GRM1: variants seen among roughly 807,000 people sequenced by gnomAD.
GRM1 encodes the protein metabotropic glutamate receptor 1.
A neutral mutation model predicts 90.9 loss-of-function variants in GRM1; 33 were observed. That is an observed-to-expected ratio of 0.36 (90% CI 0.28 to 0.49). GRM1 has a LOEUF of 0.49. Among genes scored for constraint, GRM1 ranks in the 20% least tolerant of loss-of-function variants. The pLI, the probability that GRM1 is intolerant of heterozygous loss-of-function variation, is 0.99. For synonymous variants in GRM1, 700 were observed against 613.2 expected (o/e 1.14, Z -2.09); for missense variants, 1,190 against 1,534.3 (o/e 0.78, Z 3.75).
At chr6:146,428,512 A>G (rs767924722) in intron 7 of GRM1, among the ~76,000 whole-genome samples, 49 of 152,300 alleles carry the variant, frequency 3.2e-4, no homozygotes, top group Non-Finnish European at 3.1e-4. Context: ...CCCATTTCTC[A>G]GGGTGAATTA....
chr6:146,328,007 C>T (rs1333176248), intron 3 of GRM1, among the ~76,000 whole-genome samples: 2 of 152,122 alleles, frequency 1.3e-5, no homozygotes, highest in African/African-American at 4.8e-5. Flanking sequence ...TGTAGGATAG[C>T]TGCCTGCTCT....
intron 1 of GRM1, among the ~76,000 whole-genome samples, chr6:146,066,545 A>C (rs1775854029): frequency 6.6e-6 from 1 of 152,132 alleles, no homozygotes; most frequent in South Asian, 2.1e-4. Context: ...TTGGTCGAAC[A>C]GTTTATTTTC....
intron 3 of GRM1, among the ~76,000 whole-genome samples, chr6:146,345,928 C>T (rs1194422593): frequency 2.6e-5 from 4 of 152,212 alleles, no homozygotes; most frequent in African/African-American, 9.6e-5. Flanking sequence ...AGATTAGTTA[C>T]TTCGGGGGAG....
At chr6:146,384,131 A>C (rs1294954549) in intron 5 of GRM1, among the ~76,000 whole-genome samples, 1 of 152,140 alleles carries the variant, frequency 6.6e-6, no homozygotes, top group East Asian at 1.9e-4. Context: ...GGGAGGACCA[A>C]AACAGCTAGA....
intron 6 of GRM1, 75 bp from the exon 7 acceptor site, chr6:146,398,694 C>T (rs1265514211): frequency 3.1e-6 from 3 of 980,728 alleles, no homozygotes; most frequent in Non-Finnish European, 5.0e-6. Flanking sequence ...GACTGTGTCT[C>T]TGGTAATTAA....
intron 2 of GRM1, among the ~76,000 whole-genome samples, chr6:146,217,629 G>C (rs1779917937): frequency 6.6e-6 from 1 of 152,168 alleles, no homozygotes; most frequent in Non-Finnish European, 1.5e-5. Flanking sequence ...CTGTGTGCCA[G>C]GCACTGGGGT....
chr6:146,340,887 C>G (rs1367881103), intron 3 of GRM1, among the ~76,000 whole-genome samples: 2 of 152,184 alleles, frequency 1.3e-5, no homozygotes, highest in African/African-American at 4.8e-5. Context: ...AGCATGTCCT[C>G]TTATTGAGAA....
At chr6:146,310,387 C>T (rs1167972063) in intron 3 of GRM1, among the ~76,000 whole-genome samples, 1 of 152,212 alleles carries the variant, frequency 6.6e-6, no homozygotes, top group African/African-American at 2.4e-5. Context: ...CAGTTTACTT[C>T]AGCCCATTAG....
intron 2 of GRM1, among the ~76,000 whole-genome samples, chr6:146,233,726 T>G (rs1780527165): frequency 6.6e-6 from 1 of 152,142 alleles, no homozygotes; most frequent in African/African-American, 2.4e-5. Context: ...AAATATAGTT[T>G]ACTTATAGTC....
intron 6 of GRM1, among the ~76,000 whole-genome samples, chr6:146,394,211 C>T (rs1420167718): frequency 6.6e-6 from 1 of 152,010 alleles, no homozygotes; most frequent in Non-Finnish European, 1.5e-5. Context: ...TGGGCAAAGA[C>T]CTTTATATTA....
At chr6:146,426,933 G>A (rs953844390) in intron 7 of GRM1, among the ~76,000 whole-genome samples, 2 of 152,084 alleles carry the variant, frequency 1.3e-5, no homozygotes, top group Non-Finnish European at 2.9e-5. Context: ...AAGCCCGAAA[G>A]TGAATTTTCC....
chr6:146,105,796 T>C (rs1777206204), intron 1 of GRM1, among the ~76,000 whole-genome samples: 1 of 152,190 alleles, frequency 6.6e-6, no homozygotes, highest in Non-Finnish European at 1.5e-5. Context: ...AAATTAAGAA[T>C]AACAGGAGAC....
intron 5 of GRM1, among the ~76,000 whole-genome samples, chr6:146,379,934 C>CTT (rs1562653119): frequency 4.2e-5 from 2 of 47,564 alleles, no homozygotes; most frequent in Non-Finnish European, 4.3e-5. Context: ...GAGTCTGTCT[C>CTT]TCTCTCTCTC....
intron 1 of GRM1, among the ~76,000 whole-genome samples, chr6:146,147,725 G>A (rs1365557149): frequency 2.0e-5 from 3 of 152,162 alleles, no homozygotes; most frequent in Admixed American, 2.0e-4. Flanking sequence ...TTGTGTTGGA[G>A]AAGTGGTGAC....
At chr6:146,320,100 T>A (rs1562605983) in intron 3 of GRM1, among the ~76,000 whole-genome samples, 1 of 152,120 alleles carries the variant, frequency 6.6e-6, no homozygotes, top group Non-Finnish European at 1.5e-5. Flanking sequence ...TGGCTGTGGG[T>A]TTGTCATAAA....
chr6:146,270,965 C>CT lies in GRM1; in HGVS notation c.951-33636dup, dbSNP rs1207791033. ...CCTTCCTTCCTTCCTTTCTTTCTTT[C>CT]TTTTTTTTTTCTCTCTCTCTCTTTC... On this transcript the variant is annotated intron_variant, in intron 2 of 7. Coordinates refer to ENST00000282753, the MANE Select transcript of GRM1 (RefSeq NM_001278064.2). Among the ~76,000 whole-genome samples, 17 of 102,644 alleles carry CT rather than the reference C, an allele frequency of 1.7e-4. 1 individual carries two copies. The highest frequency in any genetic ancestry group is 3.4e-4 in the African/African-American group (8 of 23,442). 67.3% of individuals were successfully genotyped at this position (102,644 alleles called of 152,430 possible).
intron 1 of GRM1, among the ~76,000 whole-genome samples, chr6:146,062,053 T>A (rs1430123599): frequency 6.6e-6 from 1 of 152,172 alleles, no homozygotes; most frequent in African/African-American, 2.4e-5. Context: ...CACGTATGTT[T>A]ATTGCAGCAC....
chr6:146,245,890 A>G (rs9485065), intron 2 of GRM1, among the ~76,000 whole-genome samples: 17,645 of 152,200 alleles, frequency 0.12, 2,055 homozygotes, highest in African/African-American at 0.3. Context: ...TTAGCAATAC[A>G]ATAAGATAGA....
chr6:146,249,496 G>A (rs987029013), intron 2 of GRM1, among the ~76,000 whole-genome samples: 9 of 152,158 alleles, frequency 5.9e-5, no homozygotes, highest in African/African-American at 2.2e-4. Flanking sequence ...CCTTGGTTGT[G>A]TCCATGTGGT....
Sources: allele counts gnomAD v4.1 joint callset (sites outside exome capture counted in the v4.1 genomes callset), GRCh38; gene constraint gnomAD v4.1.1; transcripts MANE v1.5; gene names NCBI Gene and HGNC (gene_info 2026-07-23, HGNC 2026-07-21).